Variants in ETS1 observed in about 807,000 individuals in gnomAD.
ETS1 encodes the protein ETS proto-oncogene 1, transcription factor, also known as protein C-ets-1.
A neutral mutation model predicts 58.6 loss-of-function variants in ETS1; 15 were observed. The ratio of observed to expected loss-of-function variants is 0.26; its 90% confidence interval spans 0.17 to 0.39. The LOEUF (loss-of-function observed/expected upper bound fraction) is 0.39. Among genes scored for constraint, ETS1 ranks in the 10% least tolerant of loss-of-function variants. The probability of loss-of-function intolerance (pLI) is 1.00; values close to 1 mark genes in which losing one functional copy is unlikely to be tolerated. For missense variants in ETS1, 417 were observed against 610.5 expected, an observed-to-expected ratio of 0.68 and a Z score of 3.34; for synonymous variants, 214 against 218.2, an observed-to-expected ratio of 0.98 and a Z score of 0.17.
chr11:128,472,251 A>G (rs547872742), intron 8 of ETS1, among the ~76,000 whole-genome samples: 3 of 152,294 alleles, frequency 2.0e-5, no homozygotes, highest in Admixed American at 2.0e-4. Flanking sequence ...ACCTCCACAG[A>G]CCTGTGCCCT....
intron 3 of ETS1, among the ~76,000 whole-genome samples, chr11:128,553,211 T>C (rs1028020334): frequency 6.6e-6 from 1 of 151,972 alleles, no homozygotes. Flanking sequence ...TCCAGGCTGA[T>C]AGGGAGGAGG....
chr11:128,510,186 T>TC (rs1489094173), intron 3 of ETS1, among the ~76,000 whole-genome samples: 1 of 152,186 alleles, frequency 6.6e-6, no homozygotes, highest in African/African-American at 2.4e-5. Context: ...GCATCCCCAC[T>TC]CCGTATCATA....
At chr11:128,577,295 T>C (rs1864770691) in intron 1 of ETS1, among the ~76,000 whole-genome samples, 1 of 152,234 alleles carries the variant, frequency 6.6e-6, no homozygotes, top group Non-Finnish European at 1.5e-5. Flanking sequence ...CATGATCCAT[T>C]TCTAAGGGAA....
intron 3 of ETS1, among the ~76,000 whole-genome samples, chr11:128,542,946 G>A (rs1173142505): frequency 6.6e-6 from 1 of 152,134 alleles, no homozygotes; most frequent in Non-Finnish European, 1.5e-5. Context: ...GCCGAGATGG[G>A]TGGATTACCT....
At chr11:128,577,398 G>A (rs191595273) in intron 1 of ETS1, among the ~76,000 whole-genome samples, 53 of 152,170 alleles carry the variant, frequency 3.5e-4, no homozygotes, top group Non-Finnish European at 5.4e-4. Flanking sequence ...GCCTTTCTCC[G>A]TACTCTGACA....
intron 3 of ETS1, among the ~76,000 whole-genome samples, chr11:128,531,137 G>A (rs1001965568): frequency 3.9e-5 from 6 of 152,212 alleles, no homozygotes; most frequent in Non-Finnish European, 8.8e-5. Flanking sequence ...AACCAGGGAG[G>A]CAACATAGTA....
intron 2 of ETS1, among the ~76,000 whole-genome samples, chr11:128,570,785 C>G (rs1864610574): frequency 6.6e-6 from 1 of 152,100 alleles, no homozygotes; most frequent in South Asian, 2.1e-4. Context: ...AGGAGGAGCC[C>G]TTTTCTGGCA....
At chr11:128,585,730 C>T (rs1865019472) in intron 1 of ETS1, among the ~76,000 whole-genome samples, 1 of 152,168 alleles carries the variant, frequency 6.6e-6, no homozygotes, top group South Asian at 2.1e-4. Context: ...TATTTGTAAA[C>T]CAGGCGGGGC....
At chr11:128,521,414 C>G (rs1863664943) in intron 3 of ETS1, among the ~76,000 whole-genome samples, 1 of 152,186 alleles carries the variant, frequency 6.6e-6, no homozygotes, top group Admixed American at 6.5e-5. Context: ...AGGGGCAAGG[C>G]ATGTGACAGG....
chr11:128,489,378 G>A lies in ETS1; in HGVS notation c.447C>T (p.Leu149=), dbSNP rs1249574047. 6.2e-7 allele frequency: 1 copy of A among 1,614,220 alleles called. No individual in the cohort carries two copies. Among genetic ancestry groups the A allele is most frequent in the Admixed American group, 1.7e-5 (1 of 60,030 alleles). The change falls in exon 5 of 10, where the codon CTC becomes CTT. Residue 149 remains leucine (L), a synonymous_variant. Coordinates refer to ENST00000392668, the MANE Select transcript of ETS1 (RefSeq NM_001143820.2). ...GAAAGCAGTCTTTACCCAGGGCGCA[G>A]AGGGCTGCTCCATTCATACAGAACT... ...FQKFCMNGAA[L]CALGKDCFLE... is the part of the protein sequence containing the mutation.
intron 2 of ETS1, among the ~76,000 whole-genome samples, chr11:128,562,240 C>T (rs1189893263): frequency 6.6e-6 from 1 of 152,126 alleles, no homozygotes; most frequent in African/African-American, 2.4e-5. Flanking sequence ...GAAACCCCGG[C>T]TCTATTAAAA....
intron 9 of ETS1, 45 bp from the exon 10 acceptor site, chr11:128,462,621 A>T (rs762154390): frequency 4.1e-6 from 6 of 1,471,456 alleles, no homozygotes; most frequent in Non-Finnish European, 5.7e-6. Flanking sequence ...GCAAAAATCT[A>T]CAAGACAGGC....
chr11:128,505,505 C>T (rs1017396343), intron 3 of ETS1: 1 of 152,272 alleles, frequency 6.6e-6, no homozygotes, highest in Non-Finnish European at 1.5e-5. Flanking sequence ...TCCCAATGGG[C>T]TTCTCTTTAA....
intron 8 of ETS1, among the ~76,000 whole-genome samples, chr11:128,476,051 T>A (rs1419851870): frequency 6.6e-6 from 1 of 152,232 alleles, no homozygotes; most frequent in African/African-American, 2.4e-5. Flanking sequence ...GCTTTGGGTT[T>A]AGCCTTTTTC....
chr11:128,569,014 A>G (rs899969689), intron 2 of ETS1, among the ~76,000 whole-genome samples: 13 of 152,214 alleles, frequency 8.5e-5, no homozygotes, highest in African/African-American at 3.1e-4. Context: ...ACACAGTCCC[A>G]TTCTGCTTTC....
Position 128,564,536 on chromosome 11 carries a change from C to T in ETS1, c.70-8101G>A, listed in dbSNP as rs1864458394. ...TGCAGCCAACACCAACACTACAACTCATACCAGCCTGAGACCAGGACAGCC... is the reference window on the plus strand; with the variant it reads ...TGCAGCCAACACCAACACTACAACTTATACCAGCCTGAGACCAGGACAGCC... On this transcript the variant is annotated intron_variant, in intron 2 of 9. Coordinates refer to ENST00000392668, the MANE Select transcript of ETS1 (RefSeq NM_001143820.2). Among the ~76,000 whole-genome samples, 5 of 152,154 alleles carry T rather than the reference C, an allele frequency of 3.3e-5. No individual in the cohort carries two copies. In the South Asian group the frequency reaches 1.0e-3, roughly 32 times the overall value.
At chr11:128,579,675 A>G (rs1030468675) in intron 1 of ETS1, among the ~76,000 whole-genome samples, 1 of 151,986 alleles carries the variant, frequency 6.6e-6, no homozygotes, top group Non-Finnish European at 1.5e-5. Flanking sequence ...AAAAAAAAAA[A>G]AAGAATTTGG....
intron 3 of ETS1, among the ~76,000 whole-genome samples, chr11:128,529,588 G>A (rs1863862620): frequency 6.6e-6 from 1 of 152,142 alleles, no homozygotes; most frequent in Admixed American, 6.5e-5. Context: ...TTTGGTGAGG[G>A]CTCATGATTT....
intron 3 of ETS1, among the ~76,000 whole-genome samples, chr11:128,548,536 C>G (rs1161535096): frequency 6.6e-6 from 1 of 152,234 alleles, no homozygotes; most frequent in East Asian, 1.9e-4. Flanking sequence ...ACACTCTTAC[C>G]TATCTCTCTA....
Sources: allele counts gnomAD v4.1 joint callset (sites outside exome capture counted in the v4.1 genomes callset), GRCh38; gene constraint gnomAD v4.1.1; transcripts MANE v1.5; gene names NCBI Gene and HGNC (gene_info 2026-07-23, HGNC 2026-07-21).